IGF2R: variants seen among roughly 807,000 people sequenced by gnomAD.
IGF2R encodes cation-independent mannose-6-phosphate receptor.
Under a neutral mutation model 270.6 loss-of-function variants are expected in IGF2R, and 91 were observed. The ratio of observed to expected loss-of-function variants is 0.34; its 90% CI spans 0.28 to 0.40. The LOEUF (loss-of-function observed/expected upper bound fraction) is 0.40. IGF2R is among the 10% of genes least tolerant of loss of function. The pLI is 1.00. For synonymous variants in IGF2R, 1,316 were observed against 1,258.9 expected (o/e 1.05, Z -0.96); for missense variants, 2,805 against 3,188.3 (o/e 0.88, Z 2.90).
At chr6:159,986,935 AACAG>A (rs1312169412) in intron 1 of IGF2R, among the ~76,000 whole-genome samples, 1 of 152,194 alleles carries the variant, frequency 6.6e-6, no homozygotes, top group East Asian at 1.9e-4. Context: ...AGAATTTTCT[AACAG>A]ACAAACTTTC....
At chr6:160,005,886 C>T (rs911224323) in intron 2 of IGF2R, 113 of 155,452 alleles carry the variant, frequency 7.3e-4, no homozygotes, top group Non-Finnish European at 8.6e-4. Context: ...GGGCCTCTTG[C>T]GCCTCCCCGG....
In IGF2R at chr6:160,109,396, A is replaced by T. The variant is rs1220965133; in HGVS notation, c.*4312A>T. On this transcript the variant is annotated 3_prime_UTR_variant, in exon 48 of 48. Transcript: ENST00000356956. ...ACCTCACCCTTGGCTTCAGGGTTTT[A>T]TTTTTCTTTCTTTTAAAACATTTTG... The T allele has an allele frequency of 6.6e-6, 1 of 152,150 alleles. No individual in the cohort carries two copies. Among genetic ancestry groups the T allele is most frequent in the Non-Finnish European group, 1.5e-5 (1 of 68,012 alleles). The allele number at this position is 152,150 out of a possible 1,614,324, so 9.4% of individuals were successfully genotyped here. A position where few individuals can be genotyped will look rare whatever the true frequency, so the allele number is the denominator to read the frequency against.
Position 160,089,372 on chromosome 6 carries a change from G to A in IGF2R, c.6467+119G>A, listed in dbSNP as rs536005136. ...ATAGGTCTGTGTTTTAGTTACTGTTGCTGGAGTCATCGTCATCTTTTGCTT... is the reference window on the plus strand; with the variant it reads ...ATAGGTCTGTGTTTTAGTTACTGTTACTGGAGTCATCGTCATCTTTTGCTT... On this transcript the variant is annotated intron_variant, in intron 43 of 47. Coordinates refer to ENST00000356956, the MANE Select transcript of IGF2R (RefSeq NM_000876.4). The A allele has an allele frequency of 5.8e-6, 5 of 855,214 alleles. No homozygotes were observed. In the East Asian group the frequency reaches 1.4e-4, roughly 24 times the overall value. 53.0% of individuals were successfully genotyped at this position (855,214 alleles called of 1,614,324 possible).
At chr6:160,046,796 G>C (rs1778078019) in intron 15 of IGF2R, 151 bp downstream of exon 15, 1 of 907,356 alleles carries the variant, frequency 1.1e-6, no homozygotes, top group Admixed American at 2.9e-5. Context: ...AAGGATGTTA[G>C]GAGTTTAATT....
intron 2 of IGF2R, among the ~76,000 whole-genome samples, chr6:160,000,535 C>G (rs974963129): frequency 5.3e-5 from 8 of 152,088 alleles, no homozygotes; most frequent in African/African-American, 1.9e-4. Context: ...AGCTAAGCCG[C>G]ATCACCAGGT....
chr6:160,032,722 G>A lies in IGF2R; in HGVS notation c.1045+9G>A. ...ACTTGCCCAGAGCGGAGGTAAGCAG[G>A]TGCTTTCTGCCTCCTGGCGCTGCTT... is the stretch of plus-strand genomic sequence containing the variant. On this transcript the variant is annotated intron_variant, in intron 8 of 47. Coordinates refer to ENST00000356956, the MANE Select transcript of IGF2R (RefSeq NM_000876.4). 1 of 1,612,934 alleles carries A rather than the reference G, an allele frequency of 6.2e-7. No individual in the cohort carries two copies. Among genetic ancestry groups the A allele is most frequent in the Non-Finnish European group, 8.5e-7 (1 of 1,179,502 alleles).
intron 4 of IGF2R, among the ~76,000 whole-genome samples, chr6:160,012,769 TTTTTTTTTTG>T (rs1367535633): frequency 2.1e-5 from 2 of 93,064 alleles, no homozygotes; most frequent in African/African-American, 4.0e-5. Flanking sequence ...ATATATTTTT[TTTTTTTTTTG>T]TTTGTTTGTT....
intron 1 of IGF2R, among the ~76,000 whole-genome samples, chr6:159,978,893 A>T (rs9457796): frequency 0.013 from 1,947 of 152,214 alleles, 50 homozygotes; most frequent in African/African-American, 0.043. Context: ...TATTCAGTAC[A>T]TCTGGAGGGC....
At chr6:159,976,432 C>G (rs1197893549) in intron 1 of IGF2R, among the ~76,000 whole-genome samples, 1 of 151,990 alleles carries the variant, frequency 6.6e-6, no homozygotes. Context: ...TAAAGTCTTT[C>G]CAAAAGAACT....
chr6:160,060,159 C>G (rs957198593), intron 22 of IGF2R, among the ~76,000 whole-genome samples: 2 of 151,888 alleles, frequency 1.3e-5, no homozygotes, highest in Non-Finnish European at 2.9e-5. Flanking sequence ...TCACATAGGC[C>G]ACCATTGGAG....
chr6:160,078,671 G>A (rs1778908011), intron 37 of IGF2R, among the ~76,000 whole-genome samples: 1 of 152,220 alleles, frequency 6.6e-6, no homozygotes, highest in African/African-American at 2.4e-5. Flanking sequence ...AGGTGGGGCA[G>A]CCCGGAGACA....
chr6:160,095,358 C>T (rs556001804), intron 44 of IGF2R: 2 of 152,654 alleles, frequency 1.3e-5, no homozygotes, highest in African/African-American at 4.8e-5. Flanking sequence ...CACTGGAATG[C>T]TTTTCACTAT....
chr6:160,065,814 G>GTGTGTGTGTATA, intron 29 of IGF2R, among the ~76,000 whole-genome samples: 11 of 78,384 alleles, frequency 1.4e-4, no homozygotes, highest in African/African-American at 5.6e-4. Flanking sequence ...GTGTGTGTGT[G>GTGTGTGTGTATA]TATATATATA....
At chr6:159,979,351 T>G (rs1238196082) in intron 1 of IGF2R, among the ~76,000 whole-genome samples, 1 of 152,140 alleles carries the variant, frequency 6.6e-6, no homozygotes, top group Non-Finnish European at 1.5e-5. Context: ...AGTAGTGAGT[T>G]TCCTAGAAGT....
intron 1 of IGF2R, among the ~76,000 whole-genome samples, chr6:159,971,379 T>C (rs867354797): frequency 2.6e-5 from 4 of 152,242 alleles, no homozygotes; most frequent in Non-Finnish European, 4.4e-5. Context: ...GTGGGCATAC[T>C]TAGCAAATGC....
chr6:160,099,468 G>A (rs974825972), intron 45 of IGF2R, among the ~76,000 whole-genome samples: 1 of 152,094 alleles, frequency 6.6e-6, no homozygotes, highest in Non-Finnish European at 1.5e-5. Flanking sequence ...CCAGGTTCAC[G>A]CCATTCTCCT....
rs1456196890 is a variant in IGF2R, at chr6:160,065,812, G to GTA, written c.4115+912_4115+913insAT. 2.4e-3 allele frequency among the ~76,000 whole-genome samples: 164 copies of GTA among 69,344 alleles called. 2 individuals carry two copies. The highest frequency in any genetic ancestry group is 9.4e-3 in the African/African-American group (149 of 15,926). The allele number at this position is 69,344 out of a possible 152,430, so 45.5% of individuals were successfully genotyped here. A position where few individuals can be genotyped will look rare whatever the true frequency, so the allele number is the denominator to read the frequency against. ...TGTGTGTGTGTGTGTGTGTGTGTGT[G>GTA]TGTATATATATATATATATATATAT... On this transcript the variant is annotated intron_variant, in intron 29 of 47. Coordinates refer to ENST00000356956, the MANE Select transcript of IGF2R (RefSeq NM_000876.4).
chr6:160,014,640 T>A (rs1214744271), intron 4 of IGF2R, among the ~76,000 whole-genome samples: 3 of 152,242 alleles, frequency 2.0e-5, no homozygotes, highest in Admixed American at 2.0e-4. Context: ...CCCTTTTCCA[T>A]CATAGGCTTT....
chr6:159,995,953 TGGATAAA>T (rs1784047372), intron 2 of IGF2R, among the ~76,000 whole-genome samples: 1 of 150,726 alleles, frequency 6.6e-6, no homozygotes. Flanking sequence ...CATTCTCATC[TGGATAAA>T]CTATCTCTTC....
Sources: gnomAD v4.1 joint callset for allele counts (sites outside exome capture counted in the v4.1 genomes callset) on GRCh38, gnomAD v4.1.1 for gene constraint, MANE v1.5 for transcripts, NCBI Gene and HGNC (gene_info 2026-07-23, HGNC 2026-07-21) for gene names.